The following SESTD1 variants were observed in gnomAD, a reference collection of about 807,000 sequenced individuals.
SESTD1 encodes SEC14 and spectrin domain containing 1.
A neutral mutation model predicts 101.7 loss-of-function variants in SESTD1; 43 were observed. The ratio of observed to expected loss-of-function variants is 0.42; its 90% CI spans 0.33 to 0.55. The LOEUF is 0.55. SESTD1 is among the 20% of genes least tolerant of loss of function. SESTD1 has a pLI of 0.07. For synonymous variants in SESTD1, 283 were observed against 286.8 expected (o/e 0.99, Z 0.13); for missense variants, 647 against 815.1 (o/e 0.79, Z 2.51).
At chr2:179,221,843 C>T (rs913766061) in intron 1 of SESTD1, among the ~76,000 whole-genome samples, 7 of 150,982 alleles carry the variant, frequency 4.6e-5, no homozygotes, top group Admixed American at 4.6e-4. Flanking sequence ...TCCCTTGAGC[C>T]CAGGAGGTCA....
chr2:179,118,099 T>A (rs1014945834), intron 13 of SESTD1, among the ~76,000 whole-genome samples: 1 of 151,978 alleles, frequency 6.6e-6, no homozygotes, highest in Non-Finnish European at 1.5e-5. Context: ...GCCTCCCAAG[T>A]AGCTAAGACT....
chr2:179,135,690 T>C (rs995924280), intron 9 of SESTD1, among the ~76,000 whole-genome samples: 6 of 151,940 alleles, frequency 3.9e-5, no homozygotes, highest in Non-Finnish European at 8.8e-5. Context: ...GAGGCGGAGG[T>C]TGCAGTAAGC....
intron 1 of SESTD1, among the ~76,000 whole-genome samples, chr2:179,198,549 T>A (rs1393593440): frequency 6.6e-6 from 1 of 151,976 alleles, no homozygotes; most frequent in Non-Finnish European, 1.5e-5. Context: ...GACCACATAC[T>A]TGGAAGTACA....
intron 1 of SESTD1, among the ~76,000 whole-genome samples, chr2:179,236,284 T>A (rs2047064252): frequency 7.1e-6 from 1 of 139,926 alleles, no homozygotes; most frequent in South Asian, 2.3e-4. Flanking sequence ...CCCCAAGAGT[T>A]CAAGACCAGC....
chr2:179,123,086 G>A (rs1037913704), intron 12 of SESTD1, among the ~76,000 whole-genome samples: 2 of 151,682 alleles, frequency 1.3e-5, no homozygotes, highest in African/African-American at 2.4e-5. Flanking sequence ...CCCTTGATAC[G>A]ACTCCCCACC....
chr2:179,239,846 A>G (rs528219672), intron 1 of SESTD1, among the ~76,000 whole-genome samples: 2 of 152,344 alleles, frequency 1.3e-5, no homozygotes, highest in African/African-American at 4.8e-5. Context: ...GATGCTCCAC[A>G]ATCAGTGACT....
At chr2:179,249,382 T>C (rs150448087) in intron 1 of SESTD1, among the ~76,000 whole-genome samples, 49 of 152,112 alleles carry the variant, frequency 3.2e-4, no homozygotes, top group African/African-American at 1.1e-3. Flanking sequence ...AACGAACATA[T>C]GAACAATGAA....
intron 1 of SESTD1, among the ~76,000 whole-genome samples, chr2:179,263,609 G>C (rs561965376): frequency 6.7e-6 from 1 of 150,026 alleles, no homozygotes; most frequent in African/African-American, 2.5e-5. Flanking sequence ...TTACTCCCTC[G>C]GCAGCACTCC....
In SESTD1 at chr2:179,215,223, CA is replaced by C. The variant is rs1237575006; in HGVS notation, c.-25-23358del. Among the ~76,000 whole-genome samples, 2 of 134,226 alleles carry C rather than the reference CA, an allele frequency of 1.5e-5. 1 individual carries two copies. Among genetic ancestry groups the C allele is most frequent in the Non-Finnish European group, 3.2e-5 (2 of 62,568 alleles). 88.1% of individuals were successfully genotyped at this position (134,226 alleles called of 152,430 possible). A position where few individuals can be genotyped will look rare whatever the true frequency, so the allele number is the denominator to read the frequency against. ...GGAGCTGGTTTTTTGAAAAGATCAA[CA>C]AAATTGATAGACCACTAGCAAGATT... On this transcript the variant is annotated intron_variant, in intron 1 of 17. Coordinates refer to ENST00000428443, the MANE Select transcript of SESTD1 (RefSeq NM_178123.5).
Position 179,105,629 on chromosome 2 carries a change from C to A in SESTD1, c.*4270G>T, listed in dbSNP as rs547504108. Reference sequence around the variant, plus strand: ...GAGACAACAGAAAGGATAAAGAATACTCTATTTTTTATTCTGAAAAGATAA... The same window carrying A: ...GAGACAACAGAAAGGATAAAGAATAATCTATTTTTTATTCTGAAAAGATAA... On this transcript the variant is annotated 3_prime_UTR_variant, in exon 18 of 18. Transcript: ENST00000428443. 1.3e-5 allele frequency: 2 copies of A among 152,152 alleles called. No homozygotes were observed. The highest frequency in any genetic ancestry group is 2.9e-5 in the Non-Finnish European group (2 of 68,012). 9.4% of individuals were successfully genotyped at this position (152,152 alleles called of 1,614,324 possible).
At chr2:179,164,749 G>GA (rs1297130524) in intron 5 of SESTD1, among the ~76,000 whole-genome samples, 1 of 152,136 alleles carries the variant, frequency 6.6e-6, no homozygotes, top group East Asian at 1.9e-4. Flanking sequence ...AAAAAATTTA[G>GA]AAAGTATCAT....
intron 1 of SESTD1, among the ~76,000 whole-genome samples, chr2:179,218,513 G>C (rs571298471): frequency 6.6e-6 from 1 of 152,070 alleles, no homozygotes; most frequent in Non-Finnish European, 1.5e-5. Flanking sequence ...TAAATATAAA[G>C]GAAAATGCAA....
rs557338010 is a variant in SESTD1 at position 179,225,271 on chromosome 2, G to A, written c.-25-33405C>T. Among the ~76,000 whole-genome samples, 9 of 152,052 alleles carry A rather than the reference G, an allele frequency of 5.9e-5. No individual in the cohort carries two copies. The South Asian group carries it at 1.9e-3, about 32-fold the overall frequency. On this transcript the variant is annotated intron_variant, in intron 1 of 17. Coordinates refer to ENST00000428443, the MANE Select transcript of SESTD1 (RefSeq NM_178123.5). ...GTCAGAGATGGAAAAAACAACTTAGGGTTTTTTTTCCCGTATCTCCTACAG... is the reference window on the plus strand; with the variant it reads ...GTCAGAGATGGAAAAAACAACTTAGAGTTTTTTTTCCCGTATCTCCTACAG...
chr2:179,239,968 C>A (rs1296807993), intron 1 of SESTD1, among the ~76,000 whole-genome samples: 1 of 152,176 alleles, frequency 6.6e-6, no homozygotes, highest in Non-Finnish European at 1.5e-5. Flanking sequence ...ATAGTTCCAG[C>A]TTCACATCTT....
At chr2:179,233,912 G>T (rs1459927466) in intron 1 of SESTD1, among the ~76,000 whole-genome samples, 1 of 152,176 alleles carries the variant, frequency 6.6e-6, no homozygotes, top group Non-Finnish European at 1.5e-5. Context: ...CACTTGGGGG[G>T]CTCTGATGGT....
intron 7 of SESTD1, among the ~76,000 whole-genome samples, chr2:179,147,278 T>C (rs75749465): frequency 0.055 from 8,404 of 151,894 alleles, 291 homozygotes; most frequent in South Asian, 0.09. Context: ...CTGGCAAATA[T>C]AAGATTTTGA....
At chr2:179,249,241 CT>C (rs2047279265) in intron 1 of SESTD1, among the ~76,000 whole-genome samples, 2 of 150,244 alleles carry the variant, frequency 1.3e-5, no homozygotes, top group East Asian at 1.9e-4. Flanking sequence ...AAGACTACCC[CT>C]ATTTGCAAAT....
At chr2:179,129,810 T>G (rs2044968400) in intron 10 of SESTD1, among the ~76,000 whole-genome samples, 2 of 152,180 alleles carry the variant, frequency 1.3e-5, no homozygotes, top group Admixed American at 1.3e-4. Flanking sequence ...TCAACCAACC[T>G]ATTCTCAGGG....
intron 1 of SESTD1, among the ~76,000 whole-genome samples, chr2:179,249,095 A>G (rs534472511): frequency 5.2e-4 from 66 of 127,496 alleles, no homozygotes; most frequent in Admixed American, 1.9e-3. Flanking sequence ...CGTCTTTAAG[A>G]AAAAAAAAAA....
Sources: allele counts gnomAD v4.1 joint callset (sites outside exome capture counted in the v4.1 genomes callset), GRCh38; gene constraint gnomAD v4.1.1; transcripts MANE v1.5; gene names NCBI Gene and HGNC (gene_info 2026-07-23, HGNC 2026-07-21).